PALM2AKAP2: variants seen among roughly 807,000 people sequenced by gnomAD.
PALM2AKAP2 encodes PALM2-AKAP2 fusion protein.
A neutral mutation model predicts 71.5 loss-of-function variants in PALM2AKAP2; 37 were observed. That is an observed-to-expected ratio of 0.52 (90% CI 0.40 to 0.68). The LOEUF is 0.68. Ranked by LOEUF, PALM2AKAP2 falls within the 30% of genes least tolerant of loss-of-function variation. The pLI, the probability that PALM2AKAP2 is intolerant of heterozygous loss-of-function variation, is 0.00. For synonymous variants in PALM2AKAP2, 468 were observed against 478.8 expected (o/e 0.98, Z 0.29); for missense variants, 1,224 against 1,191.8 (o/e 1.03, Z -0.40).
intron 3 of PALM2AKAP2, among the ~76,000 whole-genome samples, chr9:109,898,448 T>C (rs946103764): frequency 2.6e-5 from 4 of 152,246 alleles, no homozygotes; most frequent in Non-Finnish European, 4.4e-5. Context: ...ATGCTTCTTA[T>C]TTTATATATG....
Position 110,118,168 on chromosome 9 carries a change from T to A in PALM2AKAP2, c.157-17959T>A, listed in dbSNP as rs1262550073. On this transcript the variant is annotated intron_variant, in intron 1 of 3. Coordinates refer to ENST00000374525, the Ensembl canonical transcript of PALM2AKAP2. The stretch of plus-strand genomic sequence containing the variant: ...ACTGATCTTTTTATAAAATGGAATA[T>A]ATATTATATATATATATTCCATGTA... 8.9e-5 allele frequency among the ~76,000 whole-genome samples: 13 copies of A among 146,724 alleles called. No individual in the cohort carries two copies. The Admixed American group carries it at 9.0e-4, about 10-fold the overall frequency.
At chr9:109,710,644 G>T (rs897345231) in intron 1 of PALM2AKAP2, among the ~76,000 whole-genome samples, 1 of 152,166 alleles carries the variant, frequency 6.6e-6, no homozygotes, top group Non-Finnish European at 1.5e-5. Flanking sequence ...TCTCAGGATT[G>T]GATGACAGAG....
intron 2 of PALM2AKAP2, among the ~76,000 whole-genome samples, chr9:109,879,686 C>T (rs1829802411): frequency 6.8e-6 from 1 of 147,824 alleles, no homozygotes; most frequent in Non-Finnish European, 1.5e-5. Flanking sequence ...CACTTGCAAA[C>T]ATGGGATGTA....
intron 1 of PALM2AKAP2, among the ~76,000 whole-genome samples, chr9:109,656,633 A>C (rs1827311516): frequency 6.6e-6 from 1 of 152,178 alleles, no homozygotes; most frequent in African/African-American, 2.4e-5. Context: ...TAGTTTAACA[A>C]GATGGTTATG....
chr9:110,073,620 G>A (rs1834256741), intron 1 of PALM2AKAP2, among the ~76,000 whole-genome samples: 1 of 152,088 alleles, frequency 6.6e-6, no homozygotes, highest in East Asian at 1.9e-4. Context: ...AGTTTCCCCA[G>A]GAATTAAAGG....
At chr9:109,917,301 A>G (rs1830715864) in intron 3 of PALM2AKAP2, among the ~76,000 whole-genome samples, 1 of 152,162 alleles carries the variant, frequency 6.6e-6, no homozygotes, top group African/African-American at 2.4e-5. Context: ...AGCCTGGCAA[A>G]CCCCGTGTCA....
chr9:109,802,179 TCTG>T (rs1279987402), intron 1 of PALM2AKAP2, among the ~76,000 whole-genome samples: 1 of 152,232 alleles, frequency 6.6e-6, no homozygotes, highest in Non-Finnish European at 1.5e-5. Context: ...TTTAGCCTCT[TCTG>T]GGCATCTGAA....
chr9:109,997,050 G>A (rs1162800483), intron 6 of PALM2AKAP2, among the ~76,000 whole-genome samples: 1 of 152,060 alleles, frequency 6.6e-6, no homozygotes, highest in African/African-American at 2.4e-5. Flanking sequence ...TTAACTGGGC[G>A]TGGTGGCATG....
At chr9:109,837,934 A>G (rs1828526846) in intron 1 of PALM2AKAP2, among the ~76,000 whole-genome samples, 1 of 152,174 alleles carries the variant, frequency 6.6e-6, no homozygotes, top group Admixed American at 6.5e-5. Context: ...ATAATGGGAG[A>G]CTTTAACACC....
intron 1 of PALM2AKAP2, among the ~76,000 whole-genome samples, chr9:109,701,148 A>C (rs1214211592): frequency 1.3e-5 from 2 of 152,234 alleles, no homozygotes; most frequent in East Asian, 3.8e-4. Context: ...CCACGGTTAG[A>C]AAATAAATCC....
Position 109,958,682 on chromosome 9 carries a change from GGGAAGGAGA to G in PALM2AKAP2, c.496+26671_496+26679del, listed in dbSNP as rs377213708. 5.7e-3 allele frequency among the ~76,000 whole-genome samples: 862 copies of G among 151,798 alleles called. 11 individuals are homozygous for G. Among genetic ancestry groups the G allele is most frequent in the African/African-American group, 0.02 (819 of 41,404 alleles). On this transcript the variant is annotated intron_variant, in intron 6 of 9. Coordinates refer to the PALM2AKAP2 transcript ENST00000302798. The stretch of plus-strand genomic sequence containing the variant: ...AAGGAAGAAAGGAAGGATGAAAGAA[GGGAAGGAGA>G]GGAAGGAGAGGAAGGAAGGAAGGAA...
At chr9:110,038,807 G>A (rs550244183) in intron 7 of PALM2AKAP2, among the ~76,000 whole-genome samples, 27 of 151,832 alleles carry the variant, frequency 1.8e-4, no homozygotes, top group African/African-American at 6.3e-4. Flanking sequence ...TGGGCCTGGT[G>A]GAGGGCGCTT....
At chr9:110,007,675 G>C (rs530464959) in intron 6 of PALM2AKAP2, among the ~76,000 whole-genome samples, 1 of 152,180 alleles carries the variant, frequency 6.6e-6, no homozygotes, top group African/African-American at 2.4e-5. Context: ...TGCCACTGTA[G>C]GGAACTGAAA....
At chr9:110,101,182 G>T (rs1301125488) in intron 1 of PALM2AKAP2, among the ~76,000 whole-genome samples, 1 of 152,024 alleles carries the variant, frequency 6.6e-6, no homozygotes, top group Admixed American at 6.6e-5. Flanking sequence ...TCTTATCCCC[G>T]CTTCAGCCTT....
chr9:110,086,816 C>T (rs970926986), intron 1 of PALM2AKAP2, among the ~76,000 whole-genome samples: 3 of 152,122 alleles, frequency 2.0e-5, no homozygotes, highest in African/African-American at 7.2e-5. Flanking sequence ...TCATGAAGAT[C>T]ATTACAAAAC....
chr9:109,731,111 C>A (rs147016102), intron 1 of PALM2AKAP2, among the ~76,000 whole-genome samples: 1 of 152,142 alleles, frequency 6.6e-6, no homozygotes, highest in South Asian at 2.1e-4. Context: ...TGTATATTGA[C>A]GTTAACTTAT....
chr9:110,136,029 C>A, intron 1 of PALM2AKAP2, 98 bp from the exon 8 acceptor site: 1 of 1,419,442 alleles, frequency 7.0e-7, no homozygotes, highest in Non-Finnish European at 9.4e-7. Context: ...ACTGTGGTTT[C>A]CATTTTCCTT....
rs116722086 is a variant in PALM2AKAP2, at chr9:109,941,405, A to G, written c.496+9377A>G. ...TGAGGAGATGGATGAGATATATCTG[A>G]AGTAGAATGATTTACTGTCAGTGAG... On this transcript the variant is annotated intron_variant, in intron 6 of 9. Transcript: ENST00000302798. 5.9e-3 allele frequency among the ~76,000 whole-genome samples: 891 copies of G among 152,274 alleles called. 14 individuals are homozygous for G. Among genetic ancestry groups the G allele is most frequent in the African/African-American group, 0.021 (855 of 41,552 alleles).
chr9:109,914,761 C>T (rs756586302), intron 3 of PALM2AKAP2, among the ~76,000 whole-genome samples: 1 of 152,192 alleles, frequency 6.6e-6, no homozygotes, highest in Non-Finnish European at 1.5e-5. Flanking sequence ...TAGGGTAGGG[C>T]GTAACCCTAG....
Sources: allele counts gnomAD v4.1 joint callset (sites outside exome capture counted in the v4.1 genomes callset), GRCh38; gene constraint gnomAD v4.1.1; transcripts MANE v1.5; gene names NCBI Gene and HGNC (gene_info 2026-07-23, HGNC 2026-07-21).